The following EYA3 variants were observed in gnomAD, a reference collection of about 807,000 sequenced individuals.
EYA3 encodes protein phosphatase EYA3.
EYA3 carries 39 observed loss-of-function variants against 80.0 expected under a neutral mutation model. The observed-to-expected ratio is 0.49, with a 90% CI of 0.38 to 0.64. The LOEUF (loss-of-function observed/expected upper bound fraction) is 0.64, where lower values mean the gene tolerates loss of function less well. Ranked by LOEUF, EYA3 falls within the 30% of genes least tolerant of loss-of-function variation. The pLI is 0.00. For synonymous variants in EYA3, 206 were observed against 232.8 expected, an observed-to-expected ratio of 0.88 and a Z score of 1.05; for missense variants, 523 against 676.1, an observed-to-expected ratio of 0.77 and a Z score of 2.51.
intron 16 of EYA3, among the ~76,000 whole-genome samples, chr1:27,985,011 C>G (rs1639556040): frequency 6.6e-6 from 1 of 152,202 alleles, no homozygotes; most frequent in Admixed American, 6.5e-5. Context: ...CCCGATCACT[C>G]CCCTATTCAA....
intron 17 of EYA3, among the ~76,000 whole-genome samples, chr1:27,976,106 C>A (rs985617209): frequency 1.3e-5 from 2 of 152,170 alleles, no homozygotes; most frequent in African/African-American, 2.4e-5. Flanking sequence ...GCTGCTCACA[C>A]ATAATATTTA....
At chr1:28,002,799 G>A (rs995320740) in intron 11 of EYA3, among the ~76,000 whole-genome samples, 1 of 151,510 alleles carries the variant, frequency 6.6e-6, no homozygotes, top group Non-Finnish European at 1.5e-5. Context: ...ATGACAGAGC[G>A]AGATATTATC....
chr1:27,993,619 G>A, intron 13 of EYA3, 59 bp from the exon 14 acceptor site: 1 of 1,438,824 alleles, frequency 7.0e-7, no homozygotes, highest in South Asian at 1.5e-5. Context: ...TTTTGTTTGA[G>A]TGCTATTTGG....
intron 1 of EYA3, among the ~76,000 whole-genome samples, chr1:28,085,712 A>AT (rs1422481664): frequency 6.6e-6 from 1 of 151,952 alleles, no homozygotes; most frequent in Non-Finnish European, 1.5e-5. Flanking sequence ...ATCAACGGTA[A>AT]TTTTTTTTCC....
intron 7 of EYA3, among the ~76,000 whole-genome samples, chr1:28,018,905 C>T (rs1557576295): frequency 6.6e-6 from 1 of 152,194 alleles, no homozygotes; most frequent in Non-Finnish European, 1.5e-5. Flanking sequence ...GTGGCTCACG[C>T]CTGTAACCCC....
intron 12 of EYA3, 33 bp from the exon 13 acceptor site, chr1:27,997,411 A>G (rs1391143075): frequency 6.4e-7 from 1 of 1,561,134 alleles, no homozygotes; most frequent in Admixed American, 1.7e-5. Context: ...ACTTCAGTCC[A>G]GGGAGTAGAA....
At chr1:28,059,715 A>ATTTTT (rs1224157714) in intron 1 of EYA3, among the ~76,000 whole-genome samples, 2 of 113,612 alleles carry the variant, frequency 1.8e-5, no homozygotes, top group Non-Finnish European at 3.6e-5. Context: ...CATTTGTTGG[A>ATTTTT]TTTTTTTTTT....
intron 1 of EYA3, among the ~76,000 whole-genome samples, chr1:28,063,425 C>T (rs1172981953): frequency 2.9e-5 from 4 of 138,060 alleles, no homozygotes; most frequent in Non-Finnish European, 4.5e-5. Flanking sequence ...GGCGTAATCT[C>T]GGCTCACCGC....
At chr1:28,073,127 A>ATATATATATATATTTTT (rs1553157671) in intron 1 of EYA3, among the ~76,000 whole-genome samples, 13 of 14,998 alleles carry the variant, frequency 8.7e-4, no homozygotes, top group Non-Finnish European at 1.3e-3. Context: ...ATATATATAT[A>ATATATATATATATTTTT]TTTTTTTTTT....
intron 6 of EYA3, among the ~76,000 whole-genome samples, chr1:28,031,707 G>T (rs188758194): frequency 1.1e-3 from 163 of 152,246 alleles, no homozygotes; most frequent in African/African-American, 3.8e-3. Context: ...GGATATTTTG[G>T]CTTGTTGATT....
intron 10 of EYA3, among the ~76,000 whole-genome samples, chr1:28,008,315 A>G (rs1641444425): frequency 2.6e-5 from 4 of 152,182 alleles, no homozygotes; most frequent in Admixed American, 2.6e-4. Flanking sequence ...GCCTAAATTT[A>G]AGAGCTAAAC....
At chr1:28,073,299 ATTTTT>A (rs771192369) in intron 1 of EYA3, among the ~76,000 whole-genome samples, 2 of 114,240 alleles carry the variant, frequency 1.8e-5, no homozygotes, top group African/African-American at 7.0e-5. Context: ...CACCCAGCTA[ATTTTT>A]TTTTTTTTTT....
At chr1:27,987,592 A>G (rs1477130255) in intron 16 of EYA3, among the ~76,000 whole-genome samples, 1 of 152,206 alleles carries the variant, frequency 6.6e-6, no homozygotes, top group Non-Finnish European at 1.5e-5. Context: ...CTGGGACTAC[A>G]GGTATGCACC....
chr1:28,016,366 TA>T (rs1642067177), intron 8 of EYA3, among the ~76,000 whole-genome samples: 1 of 151,702 alleles, frequency 6.6e-6, no homozygotes, highest in African/African-American at 2.4e-5. Context: ...TCATCTCTAC[TA>T]AAAACACAAA....
intron 3 of EYA3, among the ~76,000 whole-genome samples, chr1:28,043,561 G>A (rs557399339): frequency 2.0e-5 from 3 of 152,284 alleles, no homozygotes; most frequent in East Asian, 3.9e-4. Flanking sequence ...GTTTGGGCCA[G>A]GTGCGGTGGC....
At chr1:28,050,319 A>G (rs1644199091) in intron 2 of EYA3, among the ~76,000 whole-genome samples, 1 of 151,380 alleles carries the variant, frequency 6.6e-6, no homozygotes, top group Admixed American at 6.6e-5. Context: ...CAGCCTCTCG[A>G]GTAGCAGGGA....
intron 14 of EYA3, among the ~76,000 whole-genome samples, chr1:27,991,745 A>T (rs1640080864): frequency 6.6e-6 from 1 of 151,446 alleles, no homozygotes; most frequent in East Asian, 1.9e-4. Flanking sequence ...CGCTTTCATC[A>T]ATTCATATTG....
At chr1:27,985,917 A>C (rs1009217982) in intron 16 of EYA3, among the ~76,000 whole-genome samples, 35 of 152,128 alleles carry the variant, frequency 2.3e-4, no homozygotes, top group African/African-American at 8.2e-4. Context: ...TACTTGAGAA[A>C]ACTGAGGCTC....
rs959317565 is a variant in EYA3, at chr1:28,013,933, C to T, written c.586-639G>A. Among the ~76,000 whole-genome samples, 3 of 152,002 alleles carry T rather than the reference C, an allele frequency of 2.0e-5. No homozygotes were observed. The highest frequency in any genetic ancestry group is 7.3e-5 in the African/African-American group (3 of 41,370). On this transcript the variant is annotated intron_variant, in intron 8 of 17. Coordinates refer to ENST00000373871, the MANE Select transcript of EYA3 (RefSeq NM_001990.4). This position sits in a 1 kb window ranked among gnomAD's most constrained non-coding sequence, Gnocchi z 4.0. ...CAAAAATTAGCCTGGCGTGGTGGCACATGCCTGAAATCCCAGCTACTTGGG... is the reference window on the plus strand; with the variant it reads ...CAAAAATTAGCCTGGCGTGGTGGCATATGCCTGAAATCCCAGCTACTTGGG...
Sources: gnomAD v4.1 joint callset for allele counts (sites outside exome capture counted in the v4.1 genomes callset) on GRCh38, gnomAD v4.1.1 for gene constraint, Gnocchi (gnomAD v3.1) non-coding constraint, MANE v1.5 for transcripts, NCBI Gene and HGNC (gene_info 2026-07-23, HGNC 2026-07-21) for gene names.